LRPPRC: variants seen among roughly 807,000 people sequenced by gnomAD.
The protein encoded by LRPPRC is leucine-rich PPR motif-containing protein, mitochondrial.
Under a neutral mutation model 180.3 loss-of-function variants are expected in LRPPRC, and 120 were observed. That is an observed-to-expected ratio of 0.67 (90% CI 0.57 to 0.77). LRPPRC has a LOEUF of 0.77. Ranked by LOEUF, LRPPRC falls within the 30% of genes least tolerant of loss-of-function variation. The pLI, the probability that LRPPRC is intolerant of heterozygous loss-of-function variation, is 0.00. For synonymous variants in LRPPRC, 723 were observed against 600.0 expected (o/e 1.21, Z -3.00); for missense variants, 2,012 against 1,657.2 (o/e 1.21, Z -3.72).
intron 24 of LRPPRC, 94 bp downstream of exon 24, chr2:43,934,657 GTGC>G (rs1257458018): frequency 9.8e-7 from 1 of 1,017,566 alleles, no homozygotes; most frequent in African/African-American, 1.6e-5. Context: ...TTATCTGAAT[GTGC>G]TGGCCTTCTG....
intron 16 of LRPPRC, among the ~76,000 whole-genome samples, chr2:43,949,271 T>TTAATTAG (rs1435937106): frequency 5.9e-5 from 9 of 152,158 alleles, no homozygotes; most frequent in Non-Finnish European, 1.2e-4. Context: ...ACATTTTATG[T>TTAATTAG]TTAAAATTAA....
chr2:43,969,789 C>T (rs1366043754), intron 11 of LRPPRC, among the ~76,000 whole-genome samples: 1 of 151,976 alleles, frequency 6.6e-6, no homozygotes, highest in Non-Finnish European at 1.5e-5. Flanking sequence ...CTCTAGCAAT[C>T]CTCCCACCCC....
Position 43,947,430 on chromosome 2 carries a change from T to C in LRPPRC, c.1966-60A>G, listed in dbSNP as rs2105085394. ...GAAAAAGGAAATATAGTATGCCTTT[T>C]GTCACTCTTCCCTTTAAACTGACTT... On this transcript the variant is annotated intron_variant, in intron 19 of 37. Coordinates refer to ENST00000260665, the MANE Select transcript of LRPPRC (RefSeq NM_133259.4). The C allele has an allele frequency of 1.5e-5, 12 of 813,620 alleles. No individual in the cohort carries two copies. In the South Asian group the frequency reaches 1.5e-4, roughly 10 times the overall value. The allele number at this position is 813,620 out of a possible 1,614,324, so 50.4% of individuals were successfully genotyped here.
chr2:43,926,169 A>G (rs1424327728), intron 25 of LRPPRC, among the ~76,000 whole-genome samples: 3 of 152,194 alleles, frequency 2.0e-5, no homozygotes, highest in Non-Finnish European at 4.4e-5. Flanking sequence ...TAGTTATCAA[A>G]GACCTTTAAG....
At chr2:43,893,559 T>C (rs141541962) in intron 36 of LRPPRC, among the ~76,000 whole-genome samples, 121 of 152,304 alleles carry the variant, frequency 7.9e-4, no homozygotes, top group African/African-American at 2.7e-3. Context: ...ATCTTAAAAT[T>C]AAGGTATGTA....
intron 1 of LRPPRC, among the ~76,000 whole-genome samples, chr2:43,990,906 C>T (rs1654093436): frequency 1.3e-5 from 2 of 149,660 alleles, no homozygotes; most frequent in Non-Finnish European, 3.0e-5. Context: ...AGTGCAATGG[C>T]GTGATCTCGG....
At chr2:43,919,283 A>T (rs945476386) in intron 27 of LRPPRC, among the ~76,000 whole-genome samples, 31 of 152,334 alleles carry the variant, frequency 2.0e-4, no homozygotes, top group Admixed American at 5.2e-4. Flanking sequence ...ATTGTCTTCC[A>T]TGAAACCAGT....
chr2:43,946,198 T>C lies in LRPPRC; in HGVS notation c.2125A>G (p.Met709Val), dbSNP rs758454013. The C allele has an allele frequency of 9.3e-6, 15 of 1,610,984 alleles. No homozygotes were observed. The highest frequency in any genetic ancestry group is 1.7e-5 in the Admixed American group (1 of 59,938). ...LELKAKYESD[M>V]VTGGYAALIN... is the part of the protein sequence containing the mutation. Reference sequence around the variant, plus strand: ...AAAGCTGCATAGCCACCAGTAACCATGTCGGATTCATATTTTGCTTTCAAT... The same window carrying C: ...AAAGCTGCATAGCCACCAGTAACCACGTCGGATTCATATTTTGCTTTCAAT... The change falls in exon 21 of 38, where the codon ATG (methionine) becomes GTG (valine). Residue 709 changes from methionine to valine, a missense_variant. By Grantham distance (21) the Met-to-Val change is conservative. Coordinates refer to ENST00000260665, the MANE Select transcript of LRPPRC (RefSeq NM_133259.4).
intron 25 of LRPPRC, among the ~76,000 whole-genome samples, chr2:43,931,578 A>G (rs1325679983): frequency 6.6e-6 from 1 of 152,172 alleles, no homozygotes; most frequent in African/African-American, 2.4e-5. Flanking sequence ...CGCACAATTC[A>G]TCTTTTAATT....
chr2:43,962,744 G>A (rs1006462541), intron 12 of LRPPRC, among the ~76,000 whole-genome samples: 10 of 152,118 alleles, frequency 6.6e-5, no homozygotes, highest in African/African-American at 2.2e-4. Context: ...GAGAGAGACA[G>A]AAAGACTAGT....
intron 36 of LRPPRC, 53 bp downstream of exon 36, chr2:43,894,492 T>G: frequency 1.1e-6 from 1 of 901,580 alleles, no homozygotes. Context: ...TATAGTCACT[T>G]AAATAATAAA....
rs1206227556 is a variant in LRPPRC, at chr2:43,917,042, CT to C, written c.3148+982del. On this transcript the variant is annotated intron_variant, in intron 29 of 37. Transcript: ENST00000260665. ...AACAATTAACATCTTACTAGATTTG[CT>C]TTTTTTTTTTTTTTTTGAGACGGAG... Among the ~76,000 whole-genome samples, 199 of 119,014 alleles carry C rather than the reference CT, an allele frequency of 1.7e-3. 1 individual carries two copies. Among genetic ancestry groups the C allele is most frequent in the Middle Eastern group, 4.7e-3 (1 of 214 alleles). 78.1% of individuals were successfully genotyped at this position (119,014 alleles called of 152,430 possible).
At chr2:43,929,020 C>A (rs1170711202) in intron 25 of LRPPRC, among the ~76,000 whole-genome samples, 1 of 152,134 alleles carries the variant, frequency 6.6e-6, no homozygotes, top group Non-Finnish European at 1.5e-5. Flanking sequence ...TAAGCTACAA[C>A]AAGAAAATGT....
intron 11 of LRPPRC, among the ~76,000 whole-genome samples, chr2:43,970,110 T>G (rs1673738136): frequency 6.6e-6 from 1 of 152,214 alleles, no homozygotes; most frequent in African/African-American, 2.4e-5. Flanking sequence ...CCAAATTGAC[T>G]GCAGCTACAA....
chr2:43,961,332 G>A (rs1673338295), intron 12 of LRPPRC, among the ~76,000 whole-genome samples: 1 of 152,096 alleles, frequency 6.6e-6, no homozygotes, highest in South Asian at 2.1e-4. Context: ...TGAAAGTAAT[G>A]AAGGCAAAAA....
chr2:43,918,805 ATATAGATATATATATATC>A (rs1184124171), intron 27 of LRPPRC, among the ~76,000 whole-genome samples: 6 of 114,102 alleles, frequency 5.3e-5, no homozygotes, highest in South Asian at 2.7e-4. Context: ...ATATATATAT[ATATAGATATATATATATC>A]TATATATAGA....
At chr2:43,936,427 G>C (rs1302327420) in intron 23 of LRPPRC, among the ~76,000 whole-genome samples, 1 of 152,210 alleles carries the variant, frequency 6.6e-6, no homozygotes, top group East Asian at 1.9e-4. Flanking sequence ...ATGGCTCCAA[G>C]TACAACTAGT....
chr2:43,928,448 C>T (rs1671967342), intron 25 of LRPPRC, among the ~76,000 whole-genome samples: 1 of 152,160 alleles, frequency 6.6e-6, no homozygotes, highest in African/African-American at 2.4e-5. Flanking sequence ...TAGAAATTTT[C>T]ACCTGTTCTG....
chr2:43,911,520 C>CTTTT lies in LRPPRC; in HGVS notation c.3275+911_3275+912insAAAA, dbSNP rs755010502. ...TTCCTTTTCTTTTCTTCTTCTTCTTCTTCTTTTTTTTTTTTTTTTTTTTTG... is the reference window on the plus strand; with the variant it reads ...TTCCTTTTCTTTTCTTCTTCTTCTTCTTTTTTCTTTTTTTTTTTTTTTTTTTTTG... On this transcript the variant is annotated intron_variant, in intron 30 of 37. Coordinates refer to ENST00000260665, the MANE Select transcript of LRPPRC (RefSeq NM_133259.4). 3.3e-3 allele frequency among the ~76,000 whole-genome samples: 369 copies of CTTTT among 113,364 alleles called. 6 individuals carry two copies. Among genetic ancestry groups the CTTTT allele is most frequent in the East Asian group, 0.019 (44 of 2,326 alleles). 74.4% of individuals were successfully genotyped at this position (113,364 alleles called of 152,430 possible). A position where few individuals can be genotyped will look rare whatever the true frequency, so the allele number is the denominator to read the frequency against.
Sources: gnomAD v4.1 joint callset for allele counts (sites outside exome capture counted in the v4.1 genomes callset) on GRCh38, gnomAD v4.1.1 for gene constraint, MANE v1.5 for transcripts, NCBI Gene and HGNC (gene_info 2026-07-23, HGNC 2026-07-21) for gene names.